RABGEF1: variants seen among roughly 807,000 people sequenced by gnomAD.
RABGEF1 encodes RAB guanine nucleotide exchange factor 1.
RABGEF1 carries 26 observed loss-of-function variants against 57.3 expected under a neutral mutation model. That is an observed-to-expected ratio of 0.45 (90% CI 0.33 to 0.63). The LOEUF (loss-of-function observed/expected upper bound fraction) is 0.63. RABGEF1 is among the 20% of genes least tolerant of loss of function. RABGEF1 has a pLI of 0.02. For missense variants in RABGEF1, 464 were observed against 607.6 expected (o/e 0.76, Z 2.48); for synonymous variants, 185 against 210.7 (o/e 0.88, Z 1.06).
chr7:66,778,424 G>T (rs895602497), intron 3 of RABGEF1, among the ~76,000 whole-genome samples: 3 of 152,202 alleles, frequency 2.0e-5, no homozygotes, highest in African/African-American at 4.8e-5. Context: ...TCTACAGTCA[G>T]GGTGAGTGAG....
At chr7:66,704,485 A>C (rs929564108) in intron 1 of RABGEF1, among the ~76,000 whole-genome samples, 2 of 152,032 alleles carry the variant, frequency 1.3e-5, no homozygotes, top group African/African-American at 4.8e-5. Context: ...TTACATTCCC[A>C]CCAGCTACAT....
At chr7:66,704,790 G>A (rs1336033281) in intron 1 of RABGEF1, among the ~76,000 whole-genome samples, 2 of 147,148 alleles carry the variant, frequency 1.4e-5, no homozygotes, top group Non-Finnish European at 3.0e-5. Flanking sequence ...CAGCCTGGGT[G>A]ACAAAGTGAG....
At chr7:66,690,133 G>T (rs148298681) in intron 1 of RABGEF1, among the ~76,000 whole-genome samples, 14,691 of 137,168 alleles carry the variant, frequency 0.11, 820 homozygotes, top group Non-Finnish European at 0.11. Context: ...ACGGAGTCTC[G>T]CTGTGTCGCC....
upstream of RABGEF1, chr7:66,740,323 C>CA (rs1201773586): frequency 1.3e-5 from 2 of 152,286 alleles, no homozygotes; most frequent in East Asian, 3.8e-4. Flanking sequence ...AGGACTGAAA[C>CA]AGAGTTTCTG....
chr7:66,678,826 AAC>A (rs1465776265), upstream of RABGEF1, among the ~76,000 whole-genome samples: 1 of 152,210 alleles, frequency 6.6e-6, no homozygotes, highest in African/African-American at 2.4e-5. Flanking sequence ...CACCTAGATT[AAC>A]AGTCATTTTA....
intron 1 of RABGEF1, among the ~76,000 whole-genome samples, chr7:66,707,765 T>C (rs1794307709): frequency 6.6e-6 from 1 of 152,206 alleles, no homozygotes; most frequent in Non-Finnish European, 1.5e-5. Context: ...ACTGCAGTTT[T>C]TACTTCATGT....
chr7:66,771,886 T>C lies in RABGEF1; in HGVS notation c.-14T>C, dbSNP rs1279432404. On this transcript the variant is annotated 5_prime_UTR_variant, in exon 2 of 9. Transcript: ENST00000284957. ...CAGCACTTTCTTGTTTGTTCAGTGG[T>C]TAGCAGGAAGAAGATGAGCCTTAAG... 2.0e-5 allele frequency: 29 copies of C among 1,483,854 alleles called. No individual in the cohort carries two copies. Among genetic ancestry groups the C allele is most frequent in the Non-Finnish European group, 2.6e-5 (29 of 1,109,996 alleles). The allele number at this position is 1,483,854 out of a possible 1,614,324, so 91.9% of individuals were successfully genotyped here.
intron 2 of RABGEF1, among the ~76,000 whole-genome samples, chr7:66,729,586 ACTTCCACCTTTACCTTCAC>A (rs1797075196): frequency 6.6e-6 from 1 of 150,888 alleles, no homozygotes; most frequent in African/African-American, 2.4e-5. Context: ...TTCCATCCTT[ACTTCCACCTTTACCTTCAC>A]CTTCACACCT....
intron 2 of RABGEF1, among the ~76,000 whole-genome samples, chr7:66,772,773 A>G (rs934005071): frequency 1.4e-4 from 22 of 151,902 alleles, no homozygotes; most frequent in South Asian, 2.1e-4. Context: ...TTAGCCGGGC[A>G]TGGTGGTACG....
intron 7 of RABGEF1, among the ~76,000 whole-genome samples, chr7:66,804,738 G>GAA (rs35870963): frequency 1.7e-4 from 18 of 105,562 alleles, no homozygotes; most frequent in Non-Finnish European, 2.1e-4. Context: ...AACTCAGTCT[G>GAA]AAAAAAAAAA....
chr7:66,659,032 C>T, the RABGEF1 span, among the ~76,000 whole-genome samples: 4 of 152,100 alleles, frequency 2.6e-5, no homozygotes, highest in Admixed American at 6.6e-5. Context: ...ACCCGGTGCC[C>T]GGCCGAGAAG....
intron 2 of RABGEF1, among the ~76,000 whole-genome samples, chr7:66,724,361 A>ATT (rs1463003206): frequency 2.7e-5 from 4 of 147,714 alleles, no homozygotes; most frequent in African/African-American, 9.8e-5. Context: ...GTATTTATTT[A>ATT]TTTTATTTTT....
chr7:66,776,157 A>G lies in RABGEF1; in HGVS notation c.346+764A>G, dbSNP rs957324267. Among the ~76,000 whole-genome samples the G allele has an allele frequency of 7.2e-5, 11 of 152,214 alleles. No individual in the cohort carries two copies. The South Asian group carries it at 2.1e-3, about 29-fold the overall frequency. ...CAGTCAAAGCGAAATAATGAGGGAG[A>G]CTGGGAACCAACACTGATGCTGTCA... On this transcript the variant is annotated intron_variant, in intron 3 of 8. Coordinates refer to ENST00000284957, the MANE Select transcript of RABGEF1 (RefSeq NM_014504.3).
chr7:66,761,184 C>G (rs1804241896), intron 1 of RABGEF1, among the ~76,000 whole-genome samples: 1 of 152,154 alleles, frequency 6.6e-6, no homozygotes. Context: ...CCCCTACACA[C>G]CACACCAGCT....
the RABGEF1 span, among the ~76,000 whole-genome samples, chr7:66,660,173 C>G: frequency 4.0e-5 from 6 of 151,770 alleles, no homozygotes; most frequent in African/African-American, 9.7e-5. Flanking sequence ...CGGTGAAACC[C>G]CATCTCTACT....
the RABGEF1 span, among the ~76,000 whole-genome samples, chr7:66,657,947 A>G: frequency 6.6e-6 from 1 of 152,202 alleles, no homozygotes; most frequent in African/African-American, 2.4e-5. Context: ...AGAAACAAAG[A>G]TTAGAGTGGA....
chr7:66,680,974 T>C (rs1222365774), upstream of RABGEF1, among the ~76,000 whole-genome samples: 1 of 151,972 alleles, frequency 6.6e-6, no homozygotes, highest in Non-Finnish European at 1.5e-5. Context: ...TTCCGGCTAC[T>C]CGAGAGGCTG....
At chr7:66,793,368 A>T (rs1176856077) in intron 4 of RABGEF1, among the ~76,000 whole-genome samples, 2 of 152,196 alleles carry the variant, frequency 1.3e-5, no homozygotes, top group East Asian at 3.9e-4. Context: ...TGCATGTAAC[A>T]GTTTTGGCTG....
At chr7:66,662,528 A>G in the RABGEF1 span, among the ~76,000 whole-genome samples, 26 of 152,186 alleles carry the variant, frequency 1.7e-4, no homozygotes, top group African/African-American at 6.3e-4. Flanking sequence ...CATCAACCCC[A>G]TGGATCTCCT....
Sources: gnomAD v4.1 joint callset for allele counts (sites outside exome capture counted in the v4.1 genomes callset) on GRCh38, gnomAD v4.1.1 for gene constraint, MANE v1.5 for transcripts, NCBI Gene and HGNC (gene_info 2026-07-23, HGNC 2026-07-21) for gene names.